Variants in MED12L observed in about 807,000 individuals in gnomAD.
The protein encoded by MED12L is mediator of RNA polymerase II transcription subunit 12-like protein.
A neutral mutation model predicts 281.3 loss-of-function variants in MED12L; 60 were observed. That is an observed-to-expected ratio of 0.21 (90% CI 0.17 to 0.26). The LOEUF (loss-of-function observed/expected upper bound fraction) is 0.26, where lower values mean the gene tolerates loss of function less well. Ranked by LOEUF, MED12L falls within the 10% of genes least tolerant of loss-of-function variation. MED12L has a pLI of 1.00. For synonymous variants in MED12L, 974 were observed against 987.2 expected (o/e 0.99, Z 0.25); for missense variants, 2,146 against 2,680.9 (o/e 0.80, Z 4.41).
Position 151,385,095 on chromosome 3 carries a change from A to G in MED12L, c.4992A>G (p.Lys1664=). The G allele has an allele frequency of 6.2e-7, 1 of 1,612,888 alleles. No individual in the cohort carries two copies. The highest frequency in any genetic ancestry group is 1.1e-5 in the South Asian group (1 of 90,864). The change falls in exon 36 of 45, where the codon AAA becomes AAG. Residue 1664 remains lysine (K), a synonymous_variant. Coordinates refer to ENST00000687756, the MANE Select transcript of MED12L (RefSeq NM_001393769.1). ...DKVRQLLPLP[K]QTCDVITCEP... ...TTCGACAGTTACTACCTTTGCCGAA[A>G]CAGACATGTGATGTCATCACTTGTG...
At chr3:151,236,592 C>A (rs1732868275) in intron 16 of MED12L, among the ~76,000 whole-genome samples, 1 of 152,122 alleles carries the variant, frequency 6.6e-6, no homozygotes, top group Non-Finnish European at 1.5e-5. Context: ...TACTTTTATT[C>A]CACATTACCT....
Position 151,389,936 on chromosome 3 carries a change from A to T in MED12L, c.5452-43A>T, listed in dbSNP as rs778636514. ...GTTATTTGCATTAATTAGCTGTGTG[A>T]TATGTGGAGTTACGTAACTTTTTAA... On this transcript the variant is annotated intron_variant, in intron 37 of 44. Transcript: ENST00000687756. 3 of 1,597,662 alleles carry T rather than the reference A, an allele frequency of 1.9e-6. No homozygotes were observed. In the South Asian group the frequency reaches 3.3e-5, roughly 18 times the overall value.
chr3:151,244,607 C>T (rs1464775719), intron 16 of MED12L, among the ~76,000 whole-genome samples: 1 of 151,164 alleles, frequency 6.6e-6, no homozygotes, highest in African/African-American at 2.4e-5. Flanking sequence ...CTCTGGGACG[C>T]ATTCAAAGCA....
intron 16 of MED12L, among the ~76,000 whole-genome samples, chr3:151,319,468 CGTGTGTGTGTGTGTGT>C (rs34335179): frequency 5.5e-5 from 8 of 145,656 alleles, no homozygotes; most frequent in South Asian, 2.2e-4. Flanking sequence ...TGTGTGTGTG[CGTGTGTGTGTGTGTGT>C]GTGTGTGTGT....
chr3:151,262,867 C>G (rs904224058), intron 16 of MED12L, among the ~76,000 whole-genome samples: 1 of 152,088 alleles, frequency 6.6e-6, no homozygotes, highest in Non-Finnish European at 1.5e-5. Flanking sequence ...GTTAACGTCT[C>G]CTCAGTTAAA....
chr3:151,356,138 G>C (rs766437004), intron 19 of MED12L, 99 bp downstream of exon 19: 19 of 1,285,044 alleles, frequency 1.5e-5, no homozygotes, highest in Admixed American at 2.4e-5. Flanking sequence ...AGTGGCTTGT[G>C]CTTGTAATCC....
chr3:151,319,023 G>C (rs558209382), intron 16 of MED12L, among the ~76,000 whole-genome samples: 1 of 152,102 alleles, frequency 6.6e-6, no homozygotes, highest in South Asian at 2.1e-4. Flanking sequence ...TCAGTGTTTC[G>C]TTGGCTGGCA....
chr3:151,343,317 T>C (rs924733849), intron 16 of MED12L, among the ~76,000 whole-genome samples: 3 of 152,236 alleles, frequency 2.0e-5, no homozygotes, highest in Non-Finnish European at 4.4e-5. Context: ...TACTACCTTA[T>C]TGAGAATTTA....
chr3:151,154,519 T>TA (rs1360078533), intron 5 of MED12L, among the ~76,000 whole-genome samples: 14 of 152,252 alleles, frequency 9.2e-5, no homozygotes, highest in Non-Finnish European at 1.9e-4. Flanking sequence ...TAAAAAATCT[T>TA]AAAAAGGAGA....
intron 11 of MED12L, among the ~76,000 whole-genome samples, chr3:151,173,372 C>A (rs73016801): frequency 1.3e-5 from 2 of 151,980 alleles, no homozygotes; most frequent in African/African-American, 4.8e-5. Flanking sequence ...TCTATTTCTT[C>A]TACTGTTTAT....
intron 5 of MED12L, among the ~76,000 whole-genome samples, chr3:151,134,141 A>T (rs918802345): frequency 1.3e-5 from 2 of 151,430 alleles, no homozygotes; most frequent in African/African-American, 4.9e-5. Flanking sequence ...TTGTTTGGAG[A>T]AGCTTGTCAG....
intron 16 of MED12L, among the ~76,000 whole-genome samples, chr3:151,283,462 T>G (rs1298913811): frequency 6.6e-6 from 1 of 152,266 alleles, no homozygotes; most frequent in African/African-American, 2.4e-5. Context: ...GAAAGCATTT[T>G]CTTTTTCACC....
chr3:151,143,426 G>C (rs1358347933), intron 5 of MED12L, among the ~76,000 whole-genome samples: 1 of 152,198 alleles, frequency 6.6e-6, no homozygotes, highest in Non-Finnish European at 1.5e-5. Flanking sequence ...AGAAAATGTA[G>C]TTTGTTTATT....
At chr3:151,306,947 C>T (rs1451483536) in intron 16 of MED12L, among the ~76,000 whole-genome samples, 1 of 152,158 alleles carries the variant, frequency 6.6e-6, no homozygotes, top group Non-Finnish European at 1.5e-5. Flanking sequence ...TCTAAAAGCT[C>T]ACATCTGAAA....
intron 16 of MED12L, chr3:151,294,342 A>G: frequency 6.2e-7 from 1 of 1,614,156 alleles, no homozygotes; most frequent in African/African-American, 1.3e-5. Flanking sequence ...CACGCAGACA[A>G]GAAAAGTGTA....
In MED12L at chr3:151,105,532, C is replaced by T. The variant is rs73155778; in HGVS notation, c.100-10806C>T. ...CCCTTTGGGAAGCAGTTTCTTCCCT[C>T]AGCTTCTGAGGTAAAACACTCCTAG... On this transcript the variant is annotated intron_variant, in intron 2 of 44. Transcript: ENST00000687756. 6.2e-3 allele frequency among the ~76,000 whole-genome samples: 951 copies of T among 152,294 alleles called. 4 individuals carry two copies. Among genetic ancestry groups the T allele is most frequent in the Middle Eastern group, 0.014 (4 of 294 alleles).
At chr3:151,144,396 C>T (rs993543400) in intron 5 of MED12L, among the ~76,000 whole-genome samples, 4 of 152,202 alleles carry the variant, frequency 2.6e-5, no homozygotes, top group Non-Finnish European at 5.9e-5. Flanking sequence ...CTATCAGATA[C>T]AGCCCAGCAA....
chr3:151,295,243 TG>T, intron 16 of MED12L: 1 of 1,491,150 alleles, frequency 6.7e-7, no homozygotes, highest in Non-Finnish European at 9.2e-7. Context: ...AGGACTTCAG[TG>T]CTTGGCAAGC....
At chr3:151,353,109 G>A (rs1427882370) in intron 17 of MED12L, among the ~76,000 whole-genome samples, 1 of 152,106 alleles carries the variant, frequency 6.6e-6, no homozygotes, top group Non-Finnish European at 1.5e-5. Flanking sequence ...ATAGATAAAT[G>A]GAGTCCATTA....
Sources: allele counts gnomAD v4.1 joint callset (sites outside exome capture counted in the v4.1 genomes callset), GRCh38; gene constraint gnomAD v4.1.1; transcripts MANE v1.5; gene names NCBI Gene and HGNC (gene_info 2026-07-23, HGNC 2026-07-21).